ALK: variants seen among roughly 807,000 people sequenced by gnomAD.
ALK encodes ALK receptor tyrosine kinase.
A neutral mutation model predicts 163.1 loss-of-function variants in ALK; 74 were observed. That is an observed-to-expected ratio of 0.45 (90% confidence interval 0.38 to 0.55). ALK has a LOEUF of 0.55. Among genes scored for constraint, ALK ranks in the 20% least tolerant of loss-of-function variants. The pLI, the probability that ALK is intolerant of heterozygous loss-of-function variation, is 0.00. For synonymous variants in ALK, 960 were observed against 843.2 expected (o/e 1.14, Z -2.40); for missense variants, 2,063 against 2,105.3 (o/e 0.98, Z 0.39).
At chr2:29,786,015 A>G (rs1342063190) in intron 1 of ALK, among the ~76,000 whole-genome samples, 1 of 152,130 alleles carries the variant, frequency 6.6e-6, no homozygotes, top group Non-Finnish European at 1.5e-5. Context: ...GTTCCTGGAT[A>G]AAGTGGCTTT....
intron 5 of ALK, among the ~76,000 whole-genome samples, chr2:29,332,792 G>T (rs939461884): frequency 1.2e-4 from 19 of 152,206 alleles, no homozygotes; most frequent in African/African-American, 4.6e-4. Context: ...CTGCTAGTCT[G>T]TTTATGATGA....
intron 3 of ALK, among the ~76,000 whole-genome samples, chr2:29,555,014 G>A (rs1673809986): frequency 6.6e-6 from 1 of 152,136 alleles, no homozygotes; most frequent in Non-Finnish European, 1.5e-5. Flanking sequence ...CCCTTGTTTA[G>A]CATATCATCA....
At chr2:29,855,072 C>T (rs1035115280) in intron 1 of ALK, among the ~76,000 whole-genome samples, 8 of 152,092 alleles carry the variant, frequency 5.3e-5, no homozygotes, top group Admixed American at 2.0e-4. Context: ...AGGGCAGGGA[C>T]GATGTCTGTC....
At chr2:29,275,268 T>G (rs781260301) in intron 10 of ALK, 41 bp from the exon 11 acceptor site, 1 of 1,613,588 alleles carries the variant, frequency 6.2e-7, no homozygotes, top group Non-Finnish European at 8.5e-7. Flanking sequence ...TAGGTGAGGG[T>G]TGATTTCAGG....
At chr2:29,529,447 T>G (rs754909560) in intron 4 of ALK, among the ~76,000 whole-genome samples, 1 of 152,212 alleles carries the variant, frequency 6.6e-6, no homozygotes, top group Non-Finnish European at 1.5e-5. Flanking sequence ...ATCTCTGACA[T>G]TAAACAGAGC....
intron 3 of ALK, among the ~76,000 whole-genome samples, chr2:29,674,559 C>T (rs1407163728): frequency 1.3e-5 from 2 of 150,638 alleles, no homozygotes; most frequent in Non-Finnish European, 3.0e-5. Context: ...TTTTGATGTG[C>T]TGCTGGATTC....
intron 4 of ALK, among the ~76,000 whole-genome samples, chr2:29,508,216 T>A (rs1484851757): frequency 6.6e-6 from 1 of 152,186 alleles, no homozygotes; most frequent in Non-Finnish European, 1.5e-5. Flanking sequence ...TTCTGGCCTC[T>A]AGCTTCAGTT....
At chr2:29,305,468 T>C (rs999103616) in intron 8 of ALK, among the ~76,000 whole-genome samples, 1 of 152,196 alleles carries the variant, frequency 6.6e-6, no homozygotes, top group African/African-American at 2.4e-5. Context: ...GTTGATCACA[T>C]GTGTCTAACA....
At chr2:29,210,058 A>G (rs1669422779) in intron 24 of ALK, among the ~76,000 whole-genome samples, 180 bp from the exon 25 acceptor site, 1 of 152,212 alleles carries the variant, frequency 6.6e-6, no homozygotes, top group South Asian at 2.1e-4. Flanking sequence ...AGGCCTCACA[A>G]CTAAGAGAGA....
intron 1 of ALK, among the ~76,000 whole-genome samples, chr2:29,827,780 T>A (rs1170817435): frequency 1.3e-5 from 2 of 152,190 alleles, no homozygotes; most frequent in Non-Finnish European, 2.9e-5. Context: ...CCCATCAAGC[T>A]ACCAATGACT....
chr2:29,695,383 G>A (rs1018692129), intron 2 of ALK, among the ~76,000 whole-genome samples: 4 of 152,176 alleles, frequency 2.6e-5, no homozygotes, highest in Non-Finnish European at 5.9e-5. Context: ...GTCCAAGTCT[G>A]GCTCTGCTTT....
At chr2:29,346,697 G>A (rs1011368885) in intron 5 of ALK, among the ~76,000 whole-genome samples, 3 of 152,172 alleles carry the variant, frequency 2.0e-5, no homozygotes, top group African/African-American at 4.8e-5. Context: ...TTGTGATCCC[G>A]GCATGACACA....
chr2:29,887,259 C>A (rs565519385), intron 1 of ALK, among the ~76,000 whole-genome samples: 67 of 152,288 alleles, frequency 4.4e-4, no homozygotes, highest in African/African-American at 1.5e-3. Flanking sequence ...GTCTTGAGGG[C>A]ACAGGGTGGC....
intron 4 of ALK, among the ~76,000 whole-genome samples, chr2:29,510,059 G>A (rs1041669926): frequency 6.6e-6 from 1 of 152,196 alleles, no homozygotes; most frequent in Non-Finnish European, 1.5e-5. Context: ...AAGGTGGCCA[G>A]TGGAGGTGGC....
chr2:29,225,402 A>T (rs1558625121), intron 19 of ALK, 59 bp downstream of exon 19: 3 of 1,419,182 alleles, frequency 2.1e-6, no homozygotes, highest in Non-Finnish European at 2.0e-6. Flanking sequence ...ACAGCCTGAG[A>T]CACTATTCAG....
chr2:29,787,481 T>G (rs371027500), intron 1 of ALK, among the ~76,000 whole-genome samples: 1 of 152,200 alleles, frequency 6.6e-6, no homozygotes, highest in East Asian at 1.9e-4. Context: ...ACACACATCA[T>G]GTATGTGAAG....
At chr2:29,714,862 G>A (rs1421245477) in intron 2 of ALK, among the ~76,000 whole-genome samples, 1 of 152,158 alleles carries the variant, frequency 6.6e-6, no homozygotes, top group Non-Finnish European at 1.5e-5. Flanking sequence ...AGACATGTGG[G>A]CTGAGCTCCC....
At position 29,576,905 on chromosome 2, in the gene ALK, G is replaced by A. The variant is rs559711571; in HGVS notation, c.953-44789C>T. On this transcript the variant is annotated intron_variant, in intron 3 of 28. Coordinates refer to ENST00000389048, the MANE Select transcript of ALK (RefSeq NM_004304.5). Reference sequence around the variant, plus strand: ...TCTAGTTGCAGGAAAACAAGCTCAGGGCTTCCACCAATTCTACATTATGGT... The same window carrying A: ...TCTAGTTGCAGGAAAACAAGCTCAGAGCTTCCACCAATTCTACATTATGGT... Among the ~76,000 whole-genome samples the A allele has an allele frequency of 3.3e-5, 5 of 151,536 alleles. No homozygotes were observed. In the East Asian group the frequency reaches 9.7e-4, roughly 29 times the overall value.
chr2:29,332,274 AGACTCCATCT>A, intron 5 of ALK, among the ~76,000 whole-genome samples: 1 of 123,562 alleles, frequency 8.1e-6, no homozygotes, highest in Non-Finnish European at 1.6e-5. Context: ...AGACAGAGTG[AGACTCCATCT>A]CAAAAAAAAA....
Sources: gnomAD v4.1 joint callset for allele counts (sites outside exome capture counted in the v4.1 genomes callset) on GRCh38, gnomAD v4.1.1 for gene constraint, MANE v1.5 for transcripts, NCBI Gene and HGNC (gene_info 2026-07-23, HGNC 2026-07-21) for gene names.